THRA: variants seen among roughly 807,000 people sequenced by gnomAD.
The protein encoded by THRA is EAR-7.
A neutral mutation model predicts 45.0 loss-of-function variants in THRA; 13 were observed. That is an observed-to-expected ratio of 0.29 (90% CI 0.19 to 0.46). The LOEUF (loss-of-function observed/expected upper bound fraction) is 0.46. THRA is among the 20% of genes least tolerant of loss of function. The pLI, the probability that THRA is intolerant of heterozygous loss-of-function variation, is 1.00. For missense variants in THRA, 278 were observed against 556.1 expected (o/e 0.50, Z 5.03); for synonymous variants, 195 against 214.0 (o/e 0.91, Z 0.78).
chr17:40,062,326 G>A (rs1986384663), upstream of THRA: 1 of 152,068 alleles, frequency 6.6e-6, no homozygotes, highest in South Asian at 2.1e-4. Context: ...AACAGGGAAT[G>A]AACCCCCACA....
Position 40,074,221 on chromosome 17 carries a change from C to T in THRA, c.-268C>T, listed in dbSNP as rs1598391033. ...CTCTGGACAGGACAAGACTCCGAAGCTACTCCCCCAGCACACAGCCCGGGA... is the reference window on the plus strand; with the variant it reads ...CTCTGGACAGGACAAGACTCCGAAGTTACTCCCCCAGCACACAGCCCGGGA... On this transcript the variant is annotated 5_prime_UTR_variant, in exon 2 of 9. Transcript: ENST00000450525. The T allele has an allele frequency of 2.0e-6, 1 of 507,558 alleles. No homozygotes were observed. The allele number at this position is 507,558 out of a possible 1,614,324, so 31.4% of individuals were successfully genotyped here.
At chr17:40,062,601 A>C (rs2145031425), upstream of THRA, 1 of 152,312 alleles carries the variant, frequency 6.6e-6, no homozygotes. Context: ...GCACACCCGA[A>C]AACCCCCCAA....
Position 40,076,855 on chromosome 17 carries a change from C to T in THRA, c.54-16C>T, listed in dbSNP as rs780966269. Reference sequence around the variant, plus strand: ...GAAGACTGCTCTGTGATTCTGCCCACTTTGCCTCCATCCAGTGCCAGGTCA... The same window carrying T: ...GAAGACTGCTCTGTGATTCTGCCCATTTTGCCTCCATCCAGTGCCAGGTCA... On this transcript the variant is annotated splice_polypyrimidine_tract_variant and intron_variant, in intron 2 of 8. Coordinates refer to ENST00000450525, the MANE Select transcript of THRA (RefSeq NM_199334.5). The T allele has an allele frequency of 6.2e-7, 1 of 1,613,992 alleles. No homozygotes were observed. Among genetic ancestry groups the T allele is most frequent in the South Asian group, 1.1e-5 (1 of 91,078 alleles).
chr17:40,065,187 G>A (rs1204456699), intron 1 of THRA, among the ~76,000 whole-genome samples: 2 of 152,000 alleles, frequency 1.3e-5, no homozygotes, highest in African/African-American at 4.8e-5. Context: ...TTGACTGTTG[G>A]GGAAGGGGAG....
At chr17:40,071,050 T>A (rs1986757491) in intron 1 of THRA, among the ~76,000 whole-genome samples, 1 of 151,662 alleles carries the variant, frequency 6.6e-6, no homozygotes, top group South Asian at 2.1e-4. Context: ...TCCCATTTCT[T>A]TGTTCTTCCC....
intron 6 of THRA, among the ~76,000 whole-genome samples, chr17:40,086,029 C>T (rs972735811): frequency 6.6e-6 from 1 of 152,180 alleles, no homozygotes; most frequent in African/African-American, 2.4e-5. Flanking sequence ...GGAGGATCCC[C>T]TAAGCCTGGG....
intron 4 of THRA, among the ~76,000 whole-genome samples, chr17:40,078,626 CAGAG>C (rs944540669): frequency 2.4e-4 from 36 of 151,952 alleles, no homozygotes; most frequent in Middle Eastern, 3.4e-3. Flanking sequence ...CACAGCCTGT[CAGAG>C]AGAGAGACAC....
intron 1 of THRA, among the ~76,000 whole-genome samples, chr17:40,064,218 A>G (rs891821137): frequency 2.0e-5 from 3 of 152,112 alleles, no homozygotes; most frequent in Non-Finnish European, 2.9e-5. Flanking sequence ...GACCAAGAGC[A>G]TGGGGACCGA....
intron 4 of THRA, among the ~76,000 whole-genome samples, chr17:40,082,408 G>A (rs61264916): frequency 6.7e-6 from 1 of 150,216 alleles, no homozygotes; most frequent in Admixed American, 6.6e-5. Flanking sequence ...TCTTTTTTGA[G>A]ATGAAGTCTC....
chr17:40,077,046 G>A (rs1986980662), intron 3 of THRA, 108 bp downstream of exon 3: 7 of 1,196,262 alleles, frequency 5.9e-6, no homozygotes, highest in Non-Finnish European at 8.4e-6. Flanking sequence ...TTCCCTGGGG[G>A]GAGCCTCCTA....
intron 2 of THRA, among the ~76,000 whole-genome samples, chr17:40,075,706 T>C (rs1177377097): frequency 6.6e-6 from 1 of 152,148 alleles, no homozygotes; most frequent in African/African-American, 2.4e-5. Context: ...CTTGTGGCTA[T>C]CTCTAGGACT....
At chr17:40,073,584 G>C (rs1986851312) in intron 1 of THRA, among the ~76,000 whole-genome samples, 1 of 152,328 alleles carries the variant, frequency 6.6e-6, no homozygotes, top group South Asian at 2.1e-4. Flanking sequence ...TGCCTGGGAA[G>C]TGGGATTCGA....
chr17:40,066,965 G>C (rs181935398), intron 1 of THRA, among the ~76,000 whole-genome samples: 54 of 151,926 alleles, frequency 3.6e-4, no homozygotes, highest in Admixed American at 1.8e-3. Flanking sequence ...GTATATGTGA[G>C]CGGTTGTGAT....
chr17:40,074,323 G>A lies in THRA; in HGVS notation c.-166G>A, dbSNP rs536562368. On this transcript the variant is annotated 5_prime_UTR_variant, in exon 2 of 9. Coordinates refer to ENST00000450525, the MANE Select transcript of THRA (RefSeq NM_199334.5). ...TCCCACCGCCCGCCCCCCTTGGGGC[G>A]CAGGGCATGGTGTGAAAGGCCAAGT... is the stretch of plus-strand genomic sequence containing the variant. 49 of 718,648 alleles carry A rather than the reference G, an allele frequency of 6.8e-5. No homozygotes were observed. Among genetic ancestry groups the A allele is most frequent in the East Asian group, 2.5e-4 (9 of 36,226 alleles). 44.5% of individuals were successfully genotyped at this position (718,648 alleles called of 1,614,324 possible).
chr17:40,076,859 G>A lies in THRA; in HGVS notation c.54-12G>A. 1 of 1,613,958 alleles carries A rather than the reference G, an allele frequency of 6.2e-7. No homozygotes were observed. Among genetic ancestry groups the A allele is most frequent in the Non-Finnish European group, 8.5e-7 (1 of 1,179,882 alleles). On this transcript the variant is annotated splice_polypyrimidine_tract_variant and intron_variant, in intron 2 of 8. Coordinates refer to ENST00000450525, the MANE Select transcript of THRA (RefSeq NM_199334.5). ...ACTGCTCTGTGATTCTGCCCACTTT[G>A]CCTCCATCCAGTGCCAGGTCACCAG...
chr17:40,086,695 C>T lies in THRA; in HGVS notation c.577-12C>T, dbSNP rs749062738. ...GTCTGCGGCCCCAGCTGACCCCCGTCTTTCTCTCTAGCCCGATGACATTGG... is the reference window on the plus strand; with the variant it reads ...GTCTGCGGCCCCAGCTGACCCCCGTTTTTCTCTCTAGCCCGATGACATTGG... On this transcript the variant is annotated splice_polypyrimidine_tract_variant and intron_variant, in intron 6 of 8. Transcript: ENST00000450525. The T allele has an allele frequency of 7.5e-6, 12 of 1,610,400 alleles. No homozygotes were observed. The highest frequency in any genetic ancestry group is 2.7e-5 in the African/African-American group (2 of 74,836).
At chr17:40,067,039 G>T (rs978726443) in intron 1 of THRA, among the ~76,000 whole-genome samples, 1 of 152,204 alleles carries the variant, frequency 6.6e-6, no homozygotes, top group Non-Finnish European at 1.5e-5. Context: ...TGGAGAATTG[G>T]GTCTCCTAGA....
chr17:40,068,418 TCA>T (rs2145043907), intron 1 of THRA, among the ~76,000 whole-genome samples: 1 of 152,366 alleles, frequency 6.6e-6, no homozygotes, highest in East Asian at 1.9e-4. Flanking sequence ...GAGACAGTTC[TCA>T]GTCTCTCACT....
rs1987498458 is a variant in THRA at position 40,090,661 on chromosome 17, C to T, written c.*1205C>T. 6.6e-6 allele frequency: 1 copy of T among 152,574 alleles called. No individual in the cohort carries two copies. The highest frequency in any genetic ancestry group is 1.5e-5 in the Non-Finnish European group (1 of 68,310). 9.5% of individuals were successfully genotyped at this position (152,574 alleles called of 1,614,324 possible). On this transcript the variant is annotated 3_prime_UTR_variant, in exon 9 of 9. Transcript: ENST00000450525. Reference sequence around the variant, plus strand: ...CATCTGTCTTCTGGGCTCTCTCTAACCTCTGCCCTCCTCCCCAGCTCCTAC... The same window carrying T: ...CATCTGTCTTCTGGGCTCTCTCTAATCTCTGCCCTCCTCCCCAGCTCCTAC...
Sources: gnomAD v4.1 joint callset for allele counts (sites outside exome capture counted in the v4.1 genomes callset) on GRCh38, gnomAD v4.1.1 for gene constraint, MANE v1.5 for transcripts, NCBI Gene and HGNC (gene_info 2026-07-23, HGNC 2026-07-21) for gene names.